Variants in ARVCF observed in about 807,000 individuals in gnomAD.
ARVCF encodes the protein splicing regulator ARVCF.
ARVCF carries 66 observed loss-of-function variants against 90.9 expected under a neutral mutation model. That is an observed-to-expected ratio of 0.73 (90% CI 0.60 to 0.89). The LOEUF is 0.89. Ranked by LOEUF, ARVCF falls within the 40% of genes least tolerant of loss-of-function variation. The probability of loss-of-function intolerance (pLI) is 0.00; values close to 1 mark genes in which losing one functional copy is unlikely to be tolerated. For missense variants in ARVCF, 1,469 were observed against 1,382.3 expected (o/e 1.06, Z -1.00); for synonymous variants, 653 against 603.4 (o/e 1.08, Z -1.21).
intron 1 of ARVCF, among the ~76,000 whole-genome samples, chr22:20,014,775 C>T (rs1421846155): frequency 6.6e-6 from 1 of 152,224 alleles, no homozygotes; most frequent in African/African-American, 2.4e-5. Context: ...CTCCCTGCTC[C>T]ACCCAGAGAC....
At chr22:19,986,909 G>A (rs923327991) in intron 3 of ARVCF, among the ~76,000 whole-genome samples, 4 of 152,158 alleles carry the variant, frequency 2.6e-5, no homozygotes, top group African/African-American at 9.6e-5. Flanking sequence ...CCACCCGCCC[G>A]GCCCTGGCCC....
chr22:20,004,366 G>A (rs1944545325), intron 2 of ARVCF, among the ~76,000 whole-genome samples: 1 of 151,962 alleles, frequency 6.6e-6, no homozygotes, highest in African/African-American at 2.4e-5. Flanking sequence ...GCATGTATCT[G>A]TAATCCTAGC....
intron 2 of ARVCF, among the ~76,000 whole-genome samples, chr22:20,007,301 T>A (rs959645456): frequency 1.3e-5 from 2 of 151,652 alleles, no homozygotes; most frequent in Non-Finnish European, 2.9e-5. Flanking sequence ...ACTCGGGAGG[T>A]TGAGGCAGGA....
chr22:20,003,940 C>T (rs59895465), intron 2 of ARVCF, among the ~76,000 whole-genome samples: 7,591 of 152,122 alleles, frequency 0.05, 223 homozygotes, highest in South Asian at 0.084. Flanking sequence ...TGTTCATAGA[C>T]GACATAACCT....
chr22:20,007,709 C>T (rs539245085), intron 2 of ARVCF, among the ~76,000 whole-genome samples: 1 of 152,356 alleles, frequency 6.6e-6, no homozygotes, highest in Non-Finnish European at 1.5e-5. Flanking sequence ...CGCTCTCTCA[C>T]GTGTGCTCCT....
downstream of ARVCF, chr22:19,968,472 G>C: frequency 2.6e-6 from 4 of 1,528,406 alleles, no homozygotes; most frequent in Non-Finnish European, 3.6e-6. Flanking sequence ...ACCCATCCTG[G>C]TTTGGGGCAG....
Position 19,981,586 on chromosome 22 carries a change from G to A in ARVCF, c.521C>T (p.Pro174Leu), listed in dbSNP as rs776070419. ...DRHFLLRGGG[P>L]VATLSRAYLS... ...GTAGGCTCGAGAGAGTGTGGCCACT[G>A]GGCCACCACCACGCAGCAGGAAATG... The change falls in exon 5 of 20, where the codon CCA becomes CTA. Residue 174 changes from proline (P) to leucine (L), a missense_variant. Transcript: ENST00000263207. 2 of 1,606,426 alleles carry A rather than the reference G, an allele frequency of 1.2e-6. No homozygotes were observed. The highest frequency in any genetic ancestry group is 1.7e-6 in the Non-Finnish European group (2 of 1,179,310).
At chr22:19,980,557 A>C in intron 5 of ARVCF, 1 of 342,070 alleles carries the variant, frequency 2.9e-6, no homozygotes. Flanking sequence ...TCTGTGAGAC[A>C]TCTGCTATGG....
chr22:19,976,643 CGCCTCTTCCCAGGTACCCACTG>C (rs1449870594), intron 10 of ARVCF, 41 bp downstream of exon 10: 6 of 1,542,646 alleles, frequency 3.9e-6, no homozygotes, highest in Non-Finnish European at 5.3e-6. Flanking sequence ...GGAACGTGCT[CGCCTCTTCCCAGGTACCCACTG>C]CACACGCCAG....
downstream of ARVCF, chr22:19,966,876 C>T: frequency 5.4e-6 from 5 of 929,988 alleles, no homozygotes; most frequent in Non-Finnish European, 6.4e-6. Context: ...GGAGGGTGGG[C>T]CAGATGAAAA....
At chr22:20,015,636 G>C (rs1431449940) in intron 1 of ARVCF, among the ~76,000 whole-genome samples, 2 of 152,140 alleles carry the variant, frequency 1.3e-5, no homozygotes, top group Non-Finnish European at 1.5e-5. Flanking sequence ...GGTCGGGAGA[G>C]GTGGAGGCTC....
intron 1 of ARVCF, among the ~76,000 whole-genome samples, chr22:20,012,512 C>T (rs765583563): frequency 6.6e-6 from 1 of 152,234 alleles, no homozygotes; most frequent in Non-Finnish European, 1.5e-5. Context: ...TTGGGGAGCC[C>T]CCCTGAGTGC....
intron 2 of ARVCF, among the ~76,000 whole-genome samples, chr22:20,007,565 A>C (rs1944676582): frequency 6.6e-6 from 1 of 152,218 alleles, no homozygotes; most frequent in African/African-American, 2.4e-5. Flanking sequence ...AACAGTGTTG[A>C]AGGTAGGACC....
chr22:19,989,416 G>A (rs1184339763), intron 3 of ARVCF, among the ~76,000 whole-genome samples: 6 of 152,220 alleles, frequency 3.9e-5, no homozygotes, highest in Non-Finnish European at 7.3e-5. Flanking sequence ...CAAGACTCAA[G>A]GAGTAGTCAC....
intron 3 of ARVCF, among the ~76,000 whole-genome samples, chr22:19,982,359 G>C (rs892515234): frequency 6.6e-6 from 1 of 152,152 alleles, no homozygotes; most frequent in Non-Finnish European, 1.5e-5. Context: ...CCCATCTCAG[G>C]TCTCCTCAGG....
At chr22:20,003,532 C>G (rs1293841887) in intron 2 of ARVCF, among the ~76,000 whole-genome samples, 1 of 152,108 alleles carries the variant, frequency 6.6e-6, no homozygotes, top group Admixed American at 6.5e-5. Flanking sequence ...TAAACCTAAC[C>G]AAGTGGGATT....
chr22:19,978,845 G>A lies in ARVCF; in HGVS notation c.1580+52C>T, dbSNP rs562478270. ...CATCTTCCACACTATCTGGGACCAC[G>A]AGGACGGGGCCTGGTGTGCATGTGG... On this transcript the variant is annotated intron_variant, in intron 7 of 19. Coordinates refer to ENST00000263207, the MANE Select transcript of ARVCF (RefSeq NM_001670.3). 51 of 1,564,898 alleles carry A rather than the reference G, an allele frequency of 3.3e-5. 1 individual carries two copies. Among genetic ancestry groups the A allele is most frequent in the East Asian group, 2.7e-4 (12 of 44,058 alleles).
At chr22:19,972,323 GCACAGAAAACCAAC>G (rs747611625) in intron 17 of ARVCF, 21 bp downstream of exon 17, 1 of 1,613,406 alleles carries the variant, frequency 6.2e-7, no homozygotes, top group Non-Finnish European at 8.5e-7. Context: ...TCCCCTCCCG[GCACAGAAAACCAAC>G]CACACTGCAT....
chr22:20,000,132 G>A (rs532284769), intron 2 of ARVCF, among the ~76,000 whole-genome samples: 2 of 152,338 alleles, frequency 1.3e-5, no homozygotes, highest in South Asian at 4.1e-4. Context: ...AGCCAGTGGT[G>A]TGAGATCTTG....
Sources: allele counts gnomAD v4.1 joint callset (sites outside exome capture counted in the v4.1 genomes callset), GRCh38; gene constraint gnomAD v4.1.1; transcripts MANE v1.5; gene names NCBI Gene and HGNC (gene_info 2026-07-23, HGNC 2026-07-21).